Variants in RAD51B observed in about 807,000 individuals in gnomAD.
The protein encoded by RAD51B is RAD51 paralog B.
A neutral mutation model predicts 42.2 loss-of-function variants in RAD51B; 38 were observed. The observed-to-expected ratio is 0.90, with a 90% CI of 0.70 to 1.18. The LOEUF (loss-of-function observed/expected upper bound fraction) is 1.18, where lower values mean the gene tolerates loss of function less well. Among genes scored for constraint, RAD51B ranks in the 50% most tolerant of loss-of-function variants. The pLI is 0.00. For synonymous variants in RAD51B, 154 were observed against 145.2 expected, an observed-to-expected ratio of 1.06 and a Z score of -0.43; for missense variants, 373 against 400.7, an observed-to-expected ratio of 0.93 and a Z score of 0.59.
chr14:68,523,196 A>G (rs1268101870), intron 10 of RAD51B, among the ~76,000 whole-genome samples: 1 of 152,132 alleles, frequency 6.6e-6, no homozygotes, highest in Non-Finnish European at 1.5e-5. Context: ...GCAGGCTGTG[A>G]TGAGAGTAGA....
chr14:68,628,848 C>G lies in RAD51B; in HGVS notation c.1037-21933C>G, dbSNP rs375715707. ...GTTTCGGCTGAGCCCCCAGCCTCCCCCGACCGCACAGCCTCGGGCATGAAC... is the reference window on the plus strand; with the variant it reads ...GTTTCGGCTGAGCCCCCAGCCTCCCGCGACCGCACAGCCTCGGGCATGAAC... On this transcript the variant is annotated intron_variant, in intron 10 of 11. Transcript: ENST00000488612. Among the ~76,000 whole-genome samples, 200 of 152,278 alleles carry G rather than the reference C, an allele frequency of 1.3e-3. 1 individual carries two copies. The highest frequency in any genetic ancestry group is 4.4e-3 in the African/African-American group (183 of 41,564).
At chr14:68,149,269 T>A (rs1240778527) in intron 7 of RAD51B, among the ~76,000 whole-genome samples, 1 of 152,214 alleles carries the variant, frequency 6.6e-6, no homozygotes, top group Non-Finnish European at 1.5e-5. Context: ...TTCAAACTCA[T>A]TGCCAAGCCC....
intron 7 of RAD51B, among the ~76,000 whole-genome samples, chr14:67,994,760 T>C (rs571005253): frequency 2.0e-4 from 30 of 152,322 alleles, no homozygotes; most frequent in African/African-American, 6.7e-4. Flanking sequence ...TGATTTTCTC[T>C]AGCATTTCCC....
intron 10 of RAD51B, among the ~76,000 whole-genome samples, chr14:68,546,480 ACATG>A (rs1888240291): frequency 6.6e-6 from 1 of 152,196 alleles, no homozygotes; most frequent in East Asian, 1.9e-4. Flanking sequence ...TCAGTCTTGG[ACATG>A]TATGATTTGA....
intron 9 of RAD51B, among the ~76,000 whole-genome samples, chr14:68,443,049 T>A (rs1393616357): frequency 6.6e-6 from 1 of 152,220 alleles, no homozygotes; most frequent in African/African-American, 2.4e-5. Context: ...TTGGTTTCTT[T>A]CGATGTTTAC....
chr14:68,600,084 G>C (rs555417736), downstream of RAD51B, among the ~76,000 whole-genome samples: 1 of 152,324 alleles, frequency 6.6e-6, no homozygotes, highest in East Asian at 1.9e-4. Flanking sequence ...CCTGTCCCAC[G>C]GGATGCAGCA....
chr14:68,024,296 G>T (rs752890840), intron 7 of RAD51B, among the ~76,000 whole-genome samples: 1 of 152,018 alleles, frequency 6.6e-6, no homozygotes, highest in Admixed American at 6.6e-5. Flanking sequence ...TGTTCTTTTT[G>T]CTTGGTATTG....
At chr14:67,915,061 C>T (rs1386351760) in intron 7 of RAD51B, among the ~76,000 whole-genome samples, 2 of 152,146 alleles carry the variant, frequency 1.3e-5, no homozygotes, top group Non-Finnish European at 2.9e-5. Context: ...GAGCAGTAGA[C>T]ACTGGGGACC....
At chr14:68,242,622 G>A (rs1242282107) in intron 7 of RAD51B, among the ~76,000 whole-genome samples, 2 of 152,134 alleles carry the variant, frequency 1.3e-5, no homozygotes, top group East Asian at 1.9e-4. Context: ...TACCTGCTAA[G>A]TGTTTAAAAC....
intron 4 of RAD51B, among the ~76,000 whole-genome samples, chr14:67,854,447 A>C (rs1377331500): frequency 6.6e-6 from 1 of 151,902 alleles, no homozygotes; most frequent in Non-Finnish European, 1.5e-5. Flanking sequence ...CAGCCTGCCC[A>C]ACATGGTAAA....
intron 8 of RAD51B, among the ~76,000 whole-genome samples, chr14:68,404,910 A>G (rs555700678): frequency 6.6e-6 from 1 of 152,334 alleles, no homozygotes; most frequent in Non-Finnish European, 1.5e-5. Flanking sequence ...GTATCCTCCC[A>G]GAGATGGGCC....
intron 8 of RAD51B, among the ~76,000 whole-genome samples, chr14:68,383,353 G>A (rs1402125847): frequency 2.0e-5 from 3 of 152,110 alleles, no homozygotes; most frequent in African/African-American, 4.8e-5. Flanking sequence ...GGATGCTACT[G>A]GTGTCTACCC....
intron 7 of RAD51B, among the ~76,000 whole-genome samples, chr14:67,989,246 A>T (rs2075247588): frequency 6.6e-6 from 1 of 152,264 alleles, no homozygotes. Context: ...TTTGATGGAC[A>T]TAATATAGAA....
intron 8 of RAD51B, among the ~76,000 whole-genome samples, chr14:68,317,341 T>C (rs960599528): frequency 6.6e-6 from 1 of 152,194 alleles, no homozygotes; most frequent in African/African-American, 2.4e-5. Flanking sequence ...TTTCAAGTAC[T>C]GTGTTAGGTA....
chr14:68,286,052 C>T (rs2081408995), intron 7 of RAD51B, among the ~76,000 whole-genome samples: 2 of 152,138 alleles, frequency 1.3e-5, no homozygotes, highest in Non-Finnish European at 2.9e-5. Flanking sequence ...CAGTGTATTT[C>T]TGGATATTAG....
intron 7 of RAD51B, among the ~76,000 whole-genome samples, chr14:68,217,683 T>C (rs2079844609): frequency 6.6e-6 from 1 of 152,164 alleles, no homozygotes; most frequent in Non-Finnish European, 1.5e-5. Context: ...CTTGTGTGGC[T>C]ATGGGCCAAA....
chr14:68,225,514 G>C (rs1280225363), intron 7 of RAD51B, among the ~76,000 whole-genome samples: 1 of 152,146 alleles, frequency 6.6e-6, no homozygotes, highest in Admixed American at 6.5e-5. Flanking sequence ...GCTAATTTAG[G>C]GAACTATTCT....
At chr14:68,217,990 A>T (rs1292994872) in intron 7 of RAD51B, among the ~76,000 whole-genome samples, 1 of 152,238 alleles carries the variant, frequency 6.6e-6, no homozygotes, top group Non-Finnish European at 1.5e-5. Flanking sequence ...TGTAAGTAAC[A>T]GGTCTTTAGA....
At chr14:67,914,386 A>G (rs1458795660) in intron 7 of RAD51B, among the ~76,000 whole-genome samples, 4 of 152,112 alleles carry the variant, frequency 2.6e-5, no homozygotes, top group African/African-American at 7.2e-5. Flanking sequence ...AGTTCCATCC[A>G]TGTTGTTGAA....
Sources: allele counts gnomAD v4.1 joint callset (sites outside exome capture counted in the v4.1 genomes callset), GRCh38; gene constraint gnomAD v4.1.1; transcripts MANE v1.5; gene names NCBI Gene and HGNC (gene_info 2026-07-23, HGNC 2026-07-21).